Variants in CHST9 observed in about 807,000 individuals in gnomAD.
CHST9 encodes GalNAc-4-sulfotransferase 2.
A neutral mutation model predicts 44.4 loss-of-function variants in CHST9; 41 were observed. The observed-to-expected ratio is 0.92, with a 90% CI of 0.72 to 1.20. The LOEUF (loss-of-function observed/expected upper bound fraction) is 1.20. Ranked by LOEUF, CHST9 falls within the 50% of genes most tolerant of loss-of-function variation. CHST9 has a pLI of 0.00. For missense variants in CHST9, 504 were observed against 516.5 expected (o/e 0.98, Z 0.23); for synonymous variants, 171 against 178.4 (o/e 0.96, Z 0.33).
chr18:27,130,236 G>C (rs2058459709), intron 2 of CHST9, among the ~76,000 whole-genome samples: 1 of 152,168 alleles, frequency 6.6e-6, no homozygotes, highest in African/African-American at 2.4e-5. Context: ...GACTTAACTT[G>C]CTGACTGCCA....
At chr18:27,149,965 A>G (rs923541444) in intron 1 of CHST9, among the ~76,000 whole-genome samples, 4 of 152,066 alleles carry the variant, frequency 2.6e-5, no homozygotes, top group African/African-American at 9.7e-5. Context: ...TTTAAAATAT[A>G]TATCTAAGTT....
intron 2 of CHST9, among the ~76,000 whole-genome samples, chr18:27,064,643 GA>G (rs1191740135): frequency 6.6e-6 from 1 of 152,200 alleles, no homozygotes; most frequent in Non-Finnish European, 1.5e-5. Context: ...ACATTTGAAA[GA>G]AATGTGGAGT....
chr18:27,183,472 A>T (rs2058929814), intron 1 of CHST9, among the ~76,000 whole-genome samples: 1 of 152,210 alleles, frequency 6.6e-6, no homozygotes. Context: ...TAGTTAGTAC[A>T]TACCAACATC....
chr18:26,969,291 C>T (rs953218068), intron 4 of CHST9, among the ~76,000 whole-genome samples: 7 of 152,010 alleles, frequency 4.6e-5, no homozygotes, highest in Admixed American at 2.6e-4. Context: ...CGTGAGCCAC[C>T]GCGCCTGGCC....
chr18:27,058,262 T>C (rs568274157), intron 2 of CHST9, among the ~76,000 whole-genome samples: 3 of 152,344 alleles, frequency 2.0e-5, no homozygotes, highest in Admixed American at 1.3e-4. Flanking sequence ...GAGTAGTCAC[T>C]TTTAAATAAT....
intron 4 of CHST9, among the ~76,000 whole-genome samples, chr18:26,977,413 A>G (rs2056636359): frequency 7.0e-6 from 1 of 143,516 alleles, no homozygotes; most frequent in Non-Finnish European, 1.5e-5. Context: ...AATCATTTCC[A>G]AAGGTCACTT....
chr18:27,015,057 T>C (rs1197012330), intron 4 of CHST9, among the ~76,000 whole-genome samples: 1 of 152,214 alleles, frequency 6.6e-6, no homozygotes, highest in Non-Finnish European at 1.5e-5. Flanking sequence ...CTTGTTTCCA[T>C]TTGAGCCTCT....
intron 1 of CHST9, among the ~76,000 whole-genome samples, chr18:27,161,557 T>C (rs915369625): frequency 6.6e-6 from 1 of 152,158 alleles, no homozygotes; most frequent in African/African-American, 2.4e-5. Flanking sequence ...GGAATAAGTG[T>C]GGTGTGGTGC....
chr18:26,933,832 G>T (rs567540273), intron 5 of CHST9: 7 of 153,482 alleles, frequency 4.6e-5, no homozygotes, highest in Non-Finnish European at 1.0e-4. Context: ...TGCCAAGTAT[G>T]ATGCAAACAC....
intron 4 of CHST9, among the ~76,000 whole-genome samples, chr18:26,950,542 T>C (rs896740786): frequency 6.6e-6 from 1 of 152,156 alleles, no homozygotes; most frequent in Admixed American, 6.6e-5. Context: ...TACTCAGCCA[T>C]AAAATGGAAT....
intron 5 of CHST9, among the ~76,000 whole-genome samples, chr18:26,926,065 A>G (rs1285431992): frequency 1.3e-5 from 2 of 152,198 alleles, no homozygotes; most frequent in Non-Finnish European, 2.9e-5. Context: ...AACAGAAGAA[A>G]AGAAATCACA....
At chr18:27,142,997 A>G in intron 1 of CHST9, 92 bp from the exon 2 acceptor site, 1 of 485,134 alleles carries the variant, frequency 2.1e-6, no homozygotes, top group Non-Finnish European at 3.5e-6. Flanking sequence ...ACAAGGCTGA[A>G]GACTTAATGT....
At chr18:27,029,070 G>A (rs1039640251) in intron 3 of CHST9, among the ~76,000 whole-genome samples, 8 of 152,090 alleles carry the variant, frequency 5.3e-5, no homozygotes, top group African/African-American at 1.9e-4. Flanking sequence ...CCCATTATGC[G>A]TTAGGACAGG....
At chr18:26,959,103 T>G (rs2056366902) in intron 4 of CHST9, among the ~76,000 whole-genome samples, 1 of 152,200 alleles carries the variant, frequency 6.6e-6, no homozygotes, top group Non-Finnish European at 1.5e-5. Context: ...AAAGAAAATG[T>G]GGTACATATA....
At chr18:26,972,436 C>T (rs2056561517) in intron 4 of CHST9, among the ~76,000 whole-genome samples, 1 of 148,590 alleles carries the variant, frequency 6.7e-6, no homozygotes, top group African/African-American at 2.5e-5. Context: ...GTGACAGAGT[C>T]AGTCATGCAG....
chr18:27,056,692 T>G (rs1042382799), intron 2 of CHST9, among the ~76,000 whole-genome samples: 2 of 152,230 alleles, frequency 1.3e-5, no homozygotes, highest in East Asian at 3.8e-4. Flanking sequence ...TGCTCCTCTT[T>G]ATAAGTATTC....
At chr18:27,126,986 G>A (rs1417350269) in intron 2 of CHST9, among the ~76,000 whole-genome samples, 1 of 152,136 alleles carries the variant, frequency 6.6e-6, no homozygotes, top group African/African-American at 2.4e-5. Flanking sequence ...GAAACTGGAG[G>A]CATCATACAT....
chr18:27,148,237 T>C (rs1007030634), intron 1 of CHST9, among the ~76,000 whole-genome samples: 8 of 152,042 alleles, frequency 5.3e-5, no homozygotes, highest in Admixed American at 2.0e-4. Flanking sequence ...GGTATAGACG[T>C]ACCACATTTT....
At chr18:27,135,999 A>G (rs1225207588) in intron 2 of CHST9, among the ~76,000 whole-genome samples, 1 of 152,192 alleles carries the variant, frequency 6.6e-6, no homozygotes, top group Non-Finnish European at 1.5e-5. Flanking sequence ...CTGGATCTGC[A>G]GCATCAGGGT....
Sources: allele counts gnomAD v4.1 joint callset (sites outside exome capture counted in the v4.1 genomes callset), GRCh38; gene constraint gnomAD v4.1.1; transcripts MANE v1.5; gene names NCBI Gene and HGNC (gene_info 2026-07-23, HGNC 2026-07-21).